The following SLC13A3 variants were observed in gnomAD, a reference collection of about 807,000 sequenced individuals.
SLC13A3 encodes the protein Na(+)/dicarboxylate cotransporter 3.
SLC13A3 carries 40 observed loss-of-function variants against 59.0 expected under a neutral mutation model. The ratio of observed to expected loss-of-function variants is 0.68; its 90% CI spans 0.53 to 0.88. SLC13A3 has a LOEUF of 0.88. Among genes scored for constraint, SLC13A3 ranks in the 40% least tolerant of loss-of-function variants. The probability of loss-of-function intolerance (pLI) is 0.00; values close to 1 mark genes in which losing one functional copy is unlikely to be tolerated. For missense variants in SLC13A3, 699 were observed against 783.2 expected (o/e 0.89, Z 1.28); for synonymous variants, 317 against 330.3 (o/e 0.96, Z 0.44).
At chr20:46,651,878 T>C (rs1031642396), upstream of SLC13A3, among the ~76,000 whole-genome samples, 1 of 152,164 alleles carries the variant, frequency 6.6e-6, no homozygotes, top group African/African-American at 2.4e-5. Context: ...GTGATAATAA[T>C]AGTCTACACC....
chr20:46,631,338 A>G (rs1391240437), intron 1 of SLC13A3, among the ~76,000 whole-genome samples: 1 of 152,176 alleles, frequency 6.6e-6, no homozygotes, highest in East Asian at 1.9e-4. Flanking sequence ...GGTCTAATCT[A>G]ACTTTTAGTA....
At chr20:46,663,951 G>A (rs977416388) in intron 1 of SLC13A3, among the ~76,000 whole-genome samples, 1 of 152,204 alleles carries the variant, frequency 6.6e-6, no homozygotes, top group Non-Finnish European at 1.5e-5. Context: ...TATTAAAGGA[G>A]TTGTCGACAA....
chr20:46,626,860 C>T (rs2062679066), intron 1 of SLC13A3, among the ~76,000 whole-genome samples: 1 of 152,182 alleles, frequency 6.6e-6, no homozygotes, highest in Non-Finnish European at 1.5e-5. Context: ...GTCTTTGCAC[C>T]TGCTGTTCCC....
intron 1 of SLC13A3, among the ~76,000 whole-genome samples, chr20:46,663,410 A>G (rs914797456): frequency 1.3e-5 from 2 of 151,198 alleles, no homozygotes; most frequent in African/African-American, 4.9e-5. Flanking sequence ...GTGCCACTAC[A>G]CTCCAGCCTG....
At chr20:46,643,198 G>A (rs114120459) in intron 1 of SLC13A3, among the ~76,000 whole-genome samples, 2 of 152,086 alleles carry the variant, frequency 1.3e-5, no homozygotes, top group South Asian at 4.2e-4. Flanking sequence ...TGGGTGGGAA[G>A]GGGGGAAGGG....
intron 1 of SLC13A3, among the ~76,000 whole-genome samples, chr20:46,620,767 T>C (rs1005002056): frequency 6.6e-6 from 1 of 152,108 alleles, no homozygotes; most frequent in Admixed American, 6.5e-5. Flanking sequence ...TCTCAACTGG[T>C]TCAGCATACA....
At chr20:46,597,135 T>C (rs983775715) in intron 4 of SLC13A3, among the ~76,000 whole-genome samples, 4 of 152,226 alleles carry the variant, frequency 2.6e-5, no homozygotes, top group African/African-American at 9.6e-5. Context: ...TCTAGAAATA[T>C]ATGCAAGTTG....
chr20:46,610,029 TG>T (rs2062478206), intron 3 of SLC13A3, among the ~76,000 whole-genome samples: 1 of 152,204 alleles, frequency 6.6e-6, no homozygotes. Flanking sequence ...CCTGTCAACA[TG>T]GGGATTCATC....
chr20:46,672,789 T>C (rs778041080), upstream of SLC13A3, among the ~76,000 whole-genome samples: 23 of 152,148 alleles, frequency 1.5e-4, no homozygotes, highest in Non-Finnish European at 2.9e-4. Context: ...GCCATGAGTA[T>C]CTGCTCTGGT....
chr20:46,584,126 T>G, intron 8 of SLC13A3: 2 of 985,370 alleles, frequency 2.0e-6, no homozygotes, highest in Non-Finnish European at 2.4e-6. Context: ...TGACCCAGCC[T>G]CTTGGCCCCT....
intron 2 of SLC13A3, among the ~76,000 whole-genome samples, chr20:46,611,481 T>G (rs1261562205): frequency 1.3e-5 from 2 of 152,160 alleles, no homozygotes; most frequent in African/African-American, 4.8e-5. Flanking sequence ...AGATGGAGTC[T>G]GTCCCACAGG....
chr20:46,608,879 G>C, intron 3 of SLC13A3: 1 of 1,548,474 alleles, frequency 6.5e-7, no homozygotes, highest in South Asian at 1.2e-5. Context: ...TCCTGTCTTT[G>C]GGTCCCAGGT....
chr20:46,619,524 T>G (rs1270458860), intron 1 of SLC13A3, among the ~76,000 whole-genome samples: 1 of 152,234 alleles, frequency 6.6e-6, no homozygotes, highest in African/African-American at 2.4e-5. Context: ...TCAGATTATG[T>G]CACTCCCCTG....
Position 46,612,124 on chromosome 20 carries a change from C to CTTTTTTTTT in SLC13A3, c.377+1327_377+1335dup, listed in dbSNP as rs57019153. On this transcript the variant is annotated intron_variant, in intron 2 of 12. Transcript: ENST00000279027. The stretch of plus-strand genomic sequence containing the variant: ...CTTTCTCTCTTTCTCTCTCTCTTTG[C>CTTTTTTTTT]TTTTTTTTTTTTTTTTTTTTTTTGA... Among the ~76,000 whole-genome samples, 211 of 68,938 alleles carry CTTTTTTTTT rather than the reference C, an allele frequency of 3.1e-3. 3 individuals are homozygous for CTTTTTTTTT. The highest frequency in any genetic ancestry group is 0.014 in the Middle Eastern group (1 of 72). The allele number at this position is 68,938 out of a possible 152,430, so 45.2% of individuals were successfully genotyped here. A position where few individuals can be genotyped will look rare whatever the true frequency, so the allele number is the denominator to read the frequency against.
intron 10 of SLC13A3, among the ~76,000 whole-genome samples, chr20:46,567,292 T>C (rs2061989513): frequency 6.6e-6 from 1 of 152,172 alleles, no homozygotes; most frequent in African/African-American, 2.4e-5. Flanking sequence ...TTATTATTCA[T>C]TGTCGTAAGA....
rs899669248 is a variant in SLC13A3 at position 46,559,558 on chromosome 20, G to A, written c.*464C>T. On this transcript the variant is annotated 3_prime_UTR_variant, in exon 13 of 13. Transcript: ENST00000279027. ...ATCACACACTGGTTGTGAACAGCTG[G>A]AACAACTGGGTTGGAACATTGCAGC... 6.5e-6 allele frequency: 1 copy of A among 153,152 alleles called. No individual in the cohort carries two copies. The highest frequency in any genetic ancestry group is 1.5e-5 in the Non-Finnish European group (1 of 68,680). 9.5% of individuals were successfully genotyped at this position (153,152 alleles called of 1,614,324 possible). A position where few individuals can be genotyped will look rare whatever the true frequency, so the allele number is the denominator to read the frequency against.
intron 3 of SLC13A3, 102 bp from the exon 4 acceptor site, chr20:46,600,139 T>C: frequency 1.4e-6 from 1 of 710,660 alleles, no homozygotes; most frequent in Non-Finnish European, 2.2e-6. Context: ...TTGCCAAGGA[T>C]CCTATACTAC....
At position 46,585,440 on chromosome 20, in the gene SLC13A3, T is replaced by C. The variant is rs139868321; in HGVS notation, c.1122-1771A>G. 9 of 990,844 alleles carry C rather than the reference T, an allele frequency of 9.1e-6. No homozygotes were observed. The East Asian group carries it at 1.0e-3, about 111-fold the overall frequency. 61.4% of individuals were successfully genotyped at this position (990,844 alleles called of 1,614,324 possible). Reference sequence around the variant, plus strand: ...AAATTAAAAAGCGGATTACAAATAATATGTTGACGTGATCACATTTCTGTT... The same window carrying C: ...AAATTAAAAAGCGGATTACAAATAACATGTTGACGTGATCACATTTCTGTT... On this transcript the variant is annotated intron_variant, in intron 8 of 12. Transcript: ENST00000279027.
intron 3 of SLC13A3, chr20:46,609,024 C>T (rs1421918998): frequency 6.4e-7 from 1 of 1,550,616 alleles, no homozygotes; most frequent in Admixed American, 2.0e-5. Flanking sequence ...AAGTTTCAGC[C>T]TTTCCTCAGA....
Sources: allele counts gnomAD v4.1 joint callset (sites outside exome capture counted in the v4.1 genomes callset), GRCh38; gene constraint gnomAD v4.1.1; transcripts MANE v1.5; gene names NCBI Gene and HGNC (gene_info 2026-07-23, HGNC 2026-07-21).